The following DNAJC3 variants were observed in gnomAD, a reference collection of about 807,000 sequenced individuals.
The protein encoded by DNAJC3 is DnaJ heat shock protein family (Hsp40) member C3.
In DNAJC3, 38 loss-of-function variants were observed where a neutral mutation model predicts 68.6. The observed-to-expected ratio is 0.55, with a 90% CI of 0.43 to 0.73. DNAJC3 has a LOEUF of 0.73. Among genes scored for constraint, DNAJC3 ranks in the 30% least tolerant of loss-of-function variants. DNAJC3 has a pLI of 0.00. For synonymous variants in DNAJC3, 203 were observed against 204.0 expected (o/e 1.00, Z 0.04); for missense variants, 526 against 591.9 (o/e 0.89, Z 1.16).
At chr13:95,781,677 A>C (rs1053952164) in intron 9 of DNAJC3, among the ~76,000 whole-genome samples, 4 of 152,178 alleles carry the variant, frequency 2.6e-5, no homozygotes, top group African/African-American at 9.7e-5. Context: ...GATTTTTTAG[A>C]TTCAGAAGTT....
At chr13:95,764,681 T>TATATAC (rs1882930555) in intron 9 of DNAJC3, among the ~76,000 whole-genome samples, 4 of 110,044 alleles carry the variant, frequency 3.6e-5, no homozygotes, top group East Asian at 2.5e-4. Context: ...TATATATATA[T>TATATAC]ATACACACAC....
At chr13:95,790,007 C>A (rs1883718257) in intron 11 of DNAJC3, among the ~76,000 whole-genome samples, 1 of 151,984 alleles carries the variant, frequency 6.6e-6, no homozygotes, top group African/African-American at 2.4e-5. Flanking sequence ...TCTTTGTAGA[C>A]CTTTGTCAGT....
chr13:95,725,097 A>T lies in DNAJC3; in HGVS notation c.319-81A>T. The T allele has an allele frequency of 1.1e-6, 1 of 887,830 alleles. No individual in the cohort carries two copies. Among genetic ancestry groups the T allele is most frequent in the Non-Finnish European group, 1.6e-6 (1 of 625,494 alleles). The allele number at this position is 887,830 out of a possible 1,614,324, so 55.0% of individuals were successfully genotyped here. A position where few individuals can be genotyped will look rare whatever the true frequency, so the allele number is the denominator to read the frequency against. Reference sequence around the variant, plus strand: ...ATAAATATTTATTAATAATTTGTTTATTTAGTTTTATTCTTCGTGTTTAAA... The same window carrying T: ...ATAAATATTTATTAATAATTTGTTTTTTTAGTTTTATTCTTCGTGTTTAAA... On this transcript the variant is annotated intron_variant, in intron 3 of 11. Transcript: ENST00000602402.
chr13:95,681,754 A>T (rs780753408), intron 1 of DNAJC3, among the ~76,000 whole-genome samples: 7 of 152,214 alleles, frequency 4.6e-5, no homozygotes, highest in Non-Finnish European at 1.0e-4. Flanking sequence ...TTGAAAATCA[A>T]TATTTCAAAC....
chr13:95,733,998 G>A (rs1881802834), intron 4 of DNAJC3, among the ~76,000 whole-genome samples: 1 of 152,030 alleles, frequency 6.6e-6, no homozygotes, highest in Non-Finnish European at 1.5e-5. Context: ...TGGTCATATT[G>A]TTTGTTGTTT....
intron 9 of DNAJC3, among the ~76,000 whole-genome samples, chr13:95,771,575 G>A (rs1883160559): frequency 6.6e-6 from 1 of 152,102 alleles, no homozygotes. Flanking sequence ...AGATATTGGT[G>A]GGGAGGGGTT....
chr13:95,757,676 G>A lies in DNAJC3; in HGVS notation c.426G>A (p.Lys142=), dbSNP rs778315554. ...LKSNPSENEE[K]EAQSQLIKSD... is the part of the protein sequence containing the mutation. ...CTAATCCAAGTGAAAATGAAGAAAA[G>A]GAAGCACAGTCTCAACTTATAAAAT... The change falls in exon 5 of 12, where the codon AAG becomes AAA. Residue 142 remains lysine (K), a synonymous_variant. Coordinates refer to ENST00000602402, the MANE Select transcript of DNAJC3 (RefSeq NM_006260.5). The A allele has an allele frequency of 3.2e-6, 5 of 1,574,520 alleles. No individual in the cohort carries two copies. Among genetic ancestry groups the A allele is most frequent in the East Asian group, 4.5e-5 (2 of 44,244 alleles).
chr13:95,708,168 AG>A (rs1880822194), intron 1 of DNAJC3, among the ~76,000 whole-genome samples: 1 of 152,182 alleles, frequency 6.6e-6, no homozygotes, highest in Non-Finnish European at 1.5e-5. Context: ...AAGCAGAACT[AG>A]GAAGTGTCCT....
chr13:95,709,192 G>T (rs759157350), intron 1 of DNAJC3, 35 bp from the exon 2 acceptor site: 1 of 1,418,064 alleles, frequency 7.1e-7, no homozygotes, highest in Non-Finnish European at 9.5e-7. Context: ...TTAGTTCGTG[G>T]AAAGTTAACT....
At chr13:95,690,396 GACACGGCA>G (rs1481674556) in intron 1 of DNAJC3, among the ~76,000 whole-genome samples, 260 of 151,916 alleles carry the variant, frequency 1.7e-3, no homozygotes, top group African/African-American at 6.2e-3. Flanking sequence ...TTTCTACACA[GACACGGCA>G]ACCATCCGAT....
At chr13:95,683,697 T>G (rs1173311207) in intron 1 of DNAJC3, among the ~76,000 whole-genome samples, 9 of 150,214 alleles carry the variant, frequency 6.0e-5, no homozygotes, top group Non-Finnish European at 1.3e-4. Context: ...GAGGCCGAGG[T>G]GGATGGATCA....
At chr13:95,734,082 G>T (rs1459883823) in intron 4 of DNAJC3, among the ~76,000 whole-genome samples, 1 of 152,062 alleles carries the variant, frequency 6.6e-6, no homozygotes, top group Admixed American at 6.6e-5. Flanking sequence ...GTGGTTTTCT[G>T]TAGTGGTAAC....
chr13:95,787,030 T>A lies in DNAJC3; in HGVS notation c.1232T>A (p.Ile411Asn), dbSNP rs780107548. ...VKRNAKKQEI[I>N]KAYRKLALQW... ...AGAAATGCCAAAAAGCAAGAAATTA[T>A]TAAAGCATACCGAAAATTAGCACTG... The change falls in exon 11 of 12, where the codon ATT becomes AAT. Residue 411 changes from isoleucine to asparagine, a missense_variant. Physicochemically the swap from Ile to Asn is moderately radical, Grantham distance 149. Transcript: ENST00000602402. The A allele has an allele frequency of 4.3e-6, 7 of 1,610,892 alleles. No individual in the cohort carries two copies. The highest frequency in any genetic ancestry group is 5.9e-6 in the Non-Finnish European group (7 of 1,179,170).
intron 2 of DNAJC3, among the ~76,000 whole-genome samples, chr13:95,716,275 G>A (rs548357031): frequency 1.3e-5 from 2 of 152,250 alleles, no homozygotes; most frequent in East Asian, 3.9e-4. Context: ...TTCTGTCTTC[G>A]GGGCCCCACT....
At chr13:95,764,010 A>AT in intron 9 of DNAJC3, 57 bp downstream of exon 9, 5 of 1,577,694 alleles carry the variant, frequency 3.2e-6, no homozygotes, top group Non-Finnish European at 4.3e-6. Context: ...AAATTATCAC[A>AT]TTTTAAGCTT....
At chr13:95,745,545 C>G (rs900860163) in intron 4 of DNAJC3, 3 of 152,230 alleles carry the variant, frequency 2.0e-5, no homozygotes, top group African/African-American at 7.2e-5. Context: ...ACGTGAGTCA[C>G]AAGGATAGCT....
chr13:95,737,669 C>A (rs1485480960), intron 4 of DNAJC3, among the ~76,000 whole-genome samples: 1 of 151,596 alleles, frequency 6.6e-6, no homozygotes, highest in African/African-American at 2.4e-5. Context: ...GTGGTGATAT[C>A]CCCTTTATCA....
rs186471522 is a variant in DNAJC3, at chr13:95,738,660, G to C, written c.393+13408G>C. On this transcript the variant is annotated intron_variant, in intron 4 of 11. Transcript: ENST00000602402. Reference sequence around the variant, plus strand: ...AGGATTGCAACCCCTGCCTTTTTTTGTTTTCCATTGGCTTGGTAGATCTTC... The same window carrying C: ...AGGATTGCAACCCCTGCCTTTTTTTCTTTTCCATTGGCTTGGTAGATCTTC... Among the ~76,000 whole-genome samples the C allele has an allele frequency of 1.3e-3, 193 of 151,758 alleles. 1 individual carries two copies. The highest frequency in any genetic ancestry group is 4.5e-3 in the African/African-American group (185 of 41,398).
intron 4 of DNAJC3, among the ~76,000 whole-genome samples, chr13:95,740,154 G>T (rs1347376813): frequency 6.6e-6 from 1 of 152,220 alleles, no homozygotes; most frequent in Non-Finnish European, 1.5e-5. Flanking sequence ...CACTTGAGGA[G>T]GCAGTCTACC....
Sources: gnomAD v4.1 joint callset for allele counts (sites outside exome capture counted in the v4.1 genomes callset) on GRCh38, gnomAD v4.1.1 for gene constraint, MANE v1.5 for transcripts, NCBI Gene and HGNC (gene_info 2026-07-23, HGNC 2026-07-21) for gene names.